PTPRM: variants seen among roughly 807,000 people sequenced by gnomAD.
PTPRM encodes receptor-type tyrosine-protein phosphatase mu.
A neutral mutation model predicts 186.7 loss-of-function variants in PTPRM; 47 were observed. That is an observed-to-expected ratio of 0.25 (90% confidence interval 0.20 to 0.32). The LOEUF (loss-of-function observed/expected upper bound fraction) is 0.32. Among genes scored for constraint, PTPRM ranks in the 10% least tolerant of loss-of-function variants. The pLI is 1.00. For missense variants in PTPRM, 1,494 were observed against 1,865.0 expected, an observed-to-expected ratio of 0.80 and a Z score of 3.66; for synonymous variants, 668 against 674.9, an observed-to-expected ratio of 0.99 and a Z score of 0.16.
chr18:8,167,175 C>T (rs1023346619), intron 14 of PTPRM, among the ~76,000 whole-genome samples: 3 of 152,184 alleles, frequency 2.0e-5, no homozygotes, highest in African/African-American at 7.2e-5. Flanking sequence ...AATGAATGGT[C>T]ATCTTCACGC....
chr18:8,024,148 C>G (rs2085411311), intron 7 of PTPRM, among the ~76,000 whole-genome samples: 1 of 152,104 alleles, frequency 6.6e-6, no homozygotes, highest in South Asian at 2.1e-4. Context: ...TTTTTAATAT[C>G]TGGTATGAGT....
At chr18:8,206,911 C>T (rs1000207493) in intron 14 of PTPRM, among the ~76,000 whole-genome samples, 4 of 151,890 alleles carry the variant, frequency 2.6e-5, no homozygotes, top group African/African-American at 9.7e-5. Flanking sequence ...GAGAAGGCTG[C>T]GGGAGGACAG....
At chr18:8,184,614 T>C (rs530752808) in intron 14 of PTPRM, among the ~76,000 whole-genome samples, 1 of 152,310 alleles carries the variant, frequency 6.6e-6, no homozygotes, top group South Asian at 2.1e-4. Context: ...CTTTAATATA[T>C]ACCAAGAAGC....
chr18:8,370,965 C>G lies in PTPRM; in HGVS notation c.3130C>G (p.Leu1044Val). Reference protein sequence around the residue: ...DIKVTLIETELLAEYVIRTFA... With the variant: ...DIKVTLIETEVLAEYVIRTFA... ...TAAAGTTACCCTAATAGAAACAGAA[C>G]TACTGGCAGAATATGTGATAAGAAC... The change falls in exon 24 of 33, where the codon CTA (leucine) becomes GTA (valine). Residue 1044 changes from leucine (L) to valine (V), a missense_variant. Around this residue, in one of 3 missense-constraint regions of PTPRM, gnomAD observed 1,107 missense variants for 1,350.2 expected, o/e 0.82. Transcript: ENST00000580170. 1 of 1,604,532 alleles carries G rather than the reference C, an allele frequency of 6.2e-7. No homozygotes were observed. Among genetic ancestry groups the G allele is most frequent in the Non-Finnish European group, 8.5e-7 (1 of 1,172,468 alleles).
intron 7 of PTPRM, among the ~76,000 whole-genome samples, chr18:7,966,779 A>G (rs944404847): frequency 1.5e-5 from 2 of 136,162 alleles, no homozygotes; most frequent in African/African-American, 5.0e-5. Context: ...ACGAGACTAT[A>G]TCCCACACCT....
At position 8,389,929 on chromosome 18, in the gene PTPRM, A is replaced by G. The variant is rs75281288; in HGVS notation, c.4208+2694A>G. On this transcript the variant is annotated intron_variant, in intron 31 of 32. Transcript: ENST00000580170. ...CCACAGATATTCAAGGTAGGCAAAT[A>G]GAGAGTGTTTTTCTTTATATGTGTC... 1.4e-3 allele frequency among the ~76,000 whole-genome samples: 218 copies of G among 152,332 alleles called. 2 individuals carry two copies. In the East Asian group the frequency reaches 0.027, roughly 19 times the overall value.
At chr18:7,677,486 T>C (rs1166184430) in intron 1 of PTPRM, among the ~76,000 whole-genome samples, 1 of 152,202 alleles carries the variant, frequency 6.6e-6, no homozygotes, top group Non-Finnish European at 1.5e-5. Flanking sequence ...GGCCACTGTT[T>C]ACAGGGAGTT....
chr18:7,908,286 T>C (rs59565910), intron 4 of PTPRM, among the ~76,000 whole-genome samples: 2 of 152,344 alleles, frequency 1.3e-5, no homozygotes, highest in East Asian at 3.9e-4. Context: ...ATAACCTGCT[T>C]TATTTTTAGG....
intron 1 of PTPRM, among the ~76,000 whole-genome samples, chr18:7,694,928 C>T (rs1598387935): frequency 6.6e-6 from 1 of 152,118 alleles, no homozygotes; most frequent in African/African-American, 2.4e-5. Context: ...GGCTTACTGA[C>T]GACTTACTAC....
At chr18:7,717,091 G>A (rs1455934780) in intron 1 of PTPRM, among the ~76,000 whole-genome samples, 1 of 152,212 alleles carries the variant, frequency 6.6e-6, no homozygotes, top group Admixed American at 6.5e-5. Flanking sequence ...GTGATAGACT[G>A]GATAGGGATG....
intron 1 of PTPRM, among the ~76,000 whole-genome samples, chr18:7,752,208 A>G (rs953076299): frequency 6.6e-6 from 1 of 152,190 alleles, no homozygotes; most frequent in African/African-American, 2.4e-5. Context: ...TTCCTGCCTA[A>G]GTTATTAAAC....
intron 1 of PTPRM, among the ~76,000 whole-genome samples, chr18:7,571,087 C>T (rs1007350818): frequency 6.6e-6 from 1 of 151,834 alleles, no homozygotes; most frequent in African/African-American, 2.4e-5. Flanking sequence ...TACAGGTGTG[C>T]ACCACCACCA....
chr18:8,338,424 TCTC>T (rs1289465887), intron 22 of PTPRM, among the ~76,000 whole-genome samples: 2 of 151,648 alleles, frequency 1.3e-5, no homozygotes, highest in African/African-American at 4.8e-5. Flanking sequence ...ATATGGGTTC[TCTC>T]CTGTTTTCTT....
chr18:8,329,890 C>G (rs916946590), intron 22 of PTPRM, among the ~76,000 whole-genome samples: 5 of 152,174 alleles, frequency 3.3e-5, no homozygotes, highest in African/African-American at 1.2e-4. Flanking sequence ...CCTCCAGCTC[C>G]TCGGCTCAAG....
At chr18:8,146,838 A>G (rs1189251636) in intron 14 of PTPRM, among the ~76,000 whole-genome samples, 2 of 152,164 alleles carry the variant, frequency 1.3e-5, no homozygotes, top group Non-Finnish European at 2.9e-5. Context: ...TATCAGGTGT[A>G]AGGAAGGGGT....
At chr18:8,345,925 A>G (rs1023628397) in intron 23 of PTPRM, among the ~76,000 whole-genome samples, 2 of 152,206 alleles carry the variant, frequency 1.3e-5, no homozygotes, top group African/African-American at 4.8e-5. Flanking sequence ...TATGATAGTA[A>G]GATTTACGTA....
At chr18:7,746,768 A>G (rs943911531) in intron 1 of PTPRM, among the ~76,000 whole-genome samples, 4 of 152,118 alleles carry the variant, frequency 2.6e-5, no homozygotes, top group African/African-American at 9.7e-5. Flanking sequence ...ACCTGGCCCC[A>G]TCATAGTCTT....
At chr18:7,589,829 A>G (rs2037076961) in intron 1 of PTPRM, among the ~76,000 whole-genome samples, 1 of 152,212 alleles carries the variant, frequency 6.6e-6, no homozygotes, top group South Asian at 2.1e-4. Context: ...CTGTAAGTAA[A>G]TGTTTTGGAC....
chr18:7,805,541 C>T (rs1459593865), intron 2 of PTPRM, among the ~76,000 whole-genome samples: 1 of 152,194 alleles, frequency 6.6e-6, no homozygotes, highest in Non-Finnish European at 1.5e-5. Context: ...TATTCCCACT[C>T]CTTCTTTTGA....
Sources: gnomAD v4.1 joint callset for allele counts (sites outside exome capture counted in the v4.1 genomes callset) on GRCh38, gnomAD v4.1.1 for gene constraint, gnomAD v4.1.1 regional missense constraint, MANE v1.5 for transcripts, NCBI Gene and HGNC (gene_info 2026-07-23, HGNC 2026-07-21) for gene names.